Variants in ENOSF1 observed in about 807,000 individuals in gnomAD.
ENOSF1 encodes the protein mitochondrial enolase superfamily member 1.
Under a neutral mutation model 68.2 loss-of-function variants are expected in ENOSF1, and 73 were observed. That is an observed-to-expected ratio of 1.07 (90% CI 0.89 to 1.30). The LOEUF is 1.30. ENOSF1 is among the 50% of genes most tolerant of loss of function. The probability of loss-of-function intolerance (pLI) is 0.00; values close to 1 mark genes in which losing one functional copy is unlikely to be tolerated. For synonymous variants in ENOSF1, 223 were observed against 210.4 expected (o/e 1.06, Z -0.52); for missense variants, 589 against 554.5 (o/e 1.06, Z -0.62).
At chr18:697,763 C>T (rs957576838) in intron 2 of ENOSF1, among the ~76,000 whole-genome samples, 1 of 152,082 alleles carries the variant, frequency 6.6e-6, no homozygotes, top group South Asian at 2.1e-4. Flanking sequence ...AAGGTATATT[C>T]TTTTTAAAAT....
chr18:705,073 C>T (rs763222959), intron 2 of ENOSF1, among the ~76,000 whole-genome samples: 7 of 152,186 alleles, frequency 4.6e-5, no homozygotes, highest in African/African-American at 1.2e-4. Context: ...CCTTGCCATT[C>T]GCACATACAC....
intron 1 of ENOSF1, among the ~76,000 whole-genome samples, chr18:708,620 C>T (rs2079188471): frequency 1.3e-5 from 2 of 152,134 alleles, no homozygotes; most frequent in South Asian, 4.1e-4. Flanking sequence ...GCGCTGTTAG[C>T]TGAATGTGCT....
intron 2 of ENOSF1, among the ~76,000 whole-genome samples, chr18:705,139 T>C (rs1302967055): frequency 6.6e-6 from 1 of 152,232 alleles, no homozygotes; most frequent in Non-Finnish European, 1.5e-5. Flanking sequence ...AATCTCTCAA[T>C]GGGCCAAGAT....
downstream of ENOSF1, chr18:669,108 T>C (rs747127849): frequency 1.9e-6 from 3 of 1,614,062 alleles, no homozygotes; most frequent in Admixed American, 3.3e-5. Context: ...CTGCAAAGAG[T>C]GATTGACACC....
chr18:678,543 CTG>C (rs1438042129), intron 12 of ENOSF1, 151 bp downstream of exon 12: 7 of 738,870 alleles, frequency 9.5e-6, no homozygotes, highest in Admixed American at 4.5e-5. Flanking sequence ...ACTCTAGACT[CTG>C]ATAAAATGAC....
chr18:688,510 G>A (rs2076839928), intron 9 of ENOSF1, 64 bp downstream of exon 9: 14 of 1,612,348 alleles, frequency 8.7e-6, no homozygotes, highest in Non-Finnish European at 1.1e-5. Context: ...CCTGCCAGGA[G>A]AGACTTACTG....
At chr18:679,696 C>T (rs897216469) in intron 11 of ENOSF1, among the ~76,000 whole-genome samples, 2 of 152,068 alleles carry the variant, frequency 1.3e-5, no homozygotes, top group Non-Finnish European at 2.9e-5. Flanking sequence ...TGAACACAGC[C>T]CTGCTGCTCT....
chr18:667,703 A>G (rs2074885949), downstream of ENOSF1: 1 of 152,212 alleles, frequency 6.6e-6, no homozygotes, highest in African/African-American at 2.4e-5. Context: ...TATTATGTGT[A>G]CTTTATCACA....
At chr18:680,924 C>T (rs1292078744) in intron 11 of ENOSF1, among the ~76,000 whole-genome samples, 1 of 151,608 alleles carries the variant, frequency 6.6e-6, no homozygotes, top group African/African-American at 2.4e-5. Flanking sequence ...TGGCTCACTG[C>T]AAGCTCCTCC....
chr18:672,998 G>C lies in ENOSF1; in HGVS notation c.*1307C>G. The C allele has an allele frequency of 1.3e-6, 2 of 1,559,438 alleles. No homozygotes were observed. The highest frequency in any genetic ancestry group is 2.3e-5 in the South Asian group (2 of 85,228). ...TATTAAAATGGAAATGGCTGTTTAG[G>C]GTGCTTTCAAAGGAGCTCGAAGGAT... is the stretch of plus-strand genomic sequence containing the variant. On this transcript the variant is annotated 3_prime_UTR_variant, in exon 16 of 16. Coordinates refer to ENST00000647584, the MANE Select transcript of ENOSF1 (RefSeq NM_017512.7).
At chr18:691,402 G>C (rs1272433657) in intron 5 of ENOSF1, 126 bp from the exon 6 acceptor site, 1 of 738,310 alleles carries the variant, frequency 1.4e-6, no homozygotes, top group Non-Finnish European at 2.2e-6. Flanking sequence ...CTGGAGTGCA[G>C]TGATGCCATC....
chr18:693,441 T>C (rs372415137), intron 5 of ENOSF1: 38 of 984,214 alleles, frequency 3.9e-5, no homozygotes, highest in Middle Eastern at 5.2e-4. Context: ...TTCCAAAGTA[T>C]TGGGATTACA....
intron 2 of ENOSF1, among the ~76,000 whole-genome samples, chr18:704,516 T>C (rs2078718093): frequency 6.6e-6 from 1 of 151,182 alleles, no homozygotes; most frequent in South Asian, 2.1e-4. Context: ...AAAACAGTAA[T>C]TCTCAGACTG....
At chr18:663,853 T>C in the ENOSF1 span, among the ~76,000 whole-genome samples, 2 of 109,850 alleles carry the variant, frequency 1.8e-5, no homozygotes, top group Non-Finnish European at 1.8e-5. Context: ...TTCTGAGGGC[T>C]CTGTTCTGTT....
At chr18:669,919 G>A (rs56198611), downstream of ENOSF1, among the ~76,000 whole-genome samples, 4 of 151,694 alleles carry the variant, frequency 2.6e-5, no homozygotes, top group Non-Finnish European at 4.4e-5. Flanking sequence ...TCATGATCAC[G>A]CCATTGCACT....
In ENOSF1 at chr18:712,572, T is replaced by A. The variant is rs765408901; in HGVS notation, c.16A>T (p.Ile6Phe). The A allele has an allele frequency of 5.7e-5, 86 of 1,516,814 alleles. 2 individuals are homozygous for A. Among genetic ancestry groups the A allele is most frequent in the South Asian group, 4.5e-4 (38 of 83,564 alleles). 94.0% of individuals were successfully genotyped at this position (1,516,814 alleles called of 1,614,324 possible). ...ACGTCCCGGACCGAGAGCCGGGAGATCCTGCCGCGCACCATGGCCCCTGCG... is the reference window on the plus strand; with the variant it reads ...ACGTCCCGGACCGAGAGCCGGGAGAACCTGCCGCGCACCATGGCCCCTGCG... MVRGR[I>F]SRLSVRDVRF... Residue 6 changes from isoleucine (I) to phenylalanine (F), a missense_variant, in exon 1 of 16, where the codon ATC (isoleucine) becomes TTC (phenylalanine). Coordinates refer to ENST00000647584, the MANE Select transcript of ENOSF1 (RefSeq NM_017512.7).
In ENOSF1 at chr18:712,321, G is replaced by A. The variant is rs888853599; in HGVS notation, c.84+183C>T. ...GCCCGGGGCCCGCAGAGCTGCAGTC[G>A]GCGGGGCGGGAGGGACCCGGGCCGC... On this transcript the variant is annotated intron_variant, in intron 1 of 15. Transcript: ENST00000647584. 21 of 296,742 alleles carry A rather than the reference G, an allele frequency of 7.1e-5. 2 individuals are homozygous for A. Among genetic ancestry groups the A allele is most frequent in the African/African-American group, 1.5e-4 (1 of 6,536 alleles). 18.4% of individuals were successfully genotyped at this position (296,742 alleles called of 1,614,324 possible). A position where few individuals can be genotyped will look rare whatever the true frequency, so the allele number is the denominator to read the frequency against.
At position 712,583 on chromosome 18, in the gene ENOSF1, AC is replaced by A; in HGVS notation, c.4del (p.Val2CysfsTer40). 6.8e-7 allele frequency: 1 copy of A among 1,477,536 alleles called. No homozygotes were observed. 91.5% of individuals were successfully genotyped at this position (1,477,536 alleles called of 1,614,324 possible). On this transcript the variant is annotated frameshift_variant, in exon 1 of 16. Coordinates refer to ENST00000647584, the MANE Select transcript of ENOSF1 (RefSeq NM_017512.7). LOFTEE classifies it high-confidence loss of function. Reference protein sequence around the residue: MVRGRISRLSVR... With the variant: MXRGRISRLSVR... The stretch of plus-strand genomic sequence containing the variant: ...CGAGAGCCGGGAGATCCTGCCGCGC[AC>A]CATGGCCCCTGCGCCCCGTGGCCGC...
At chr18:675,614 G>T in intron 14 of ENOSF1, 1 of 564,024 alleles carries the variant, frequency 1.8e-6, no homozygotes, top group Non-Finnish European at 3.2e-6. Flanking sequence ...GGACTTTGAT[G>T]ACATGAACAC....
Sources: allele counts gnomAD v4.1 joint callset (sites outside exome capture counted in the v4.1 genomes callset), GRCh38; gene constraint gnomAD v4.1.1; transcripts MANE v1.5; gene names NCBI Gene and HGNC (gene_info 2026-07-23, HGNC 2026-07-21).